CSMD1: variants seen among roughly 807,000 people sequenced by gnomAD.
CSMD1 encodes CUB and Sushi multiple domains 1, also known as CUB and sushi domain-containing protein 1.
CSMD1 carries 213 observed loss-of-function variants against 417.5 expected under a neutral mutation model. The ratio of observed to expected loss-of-function variants is 0.51; its 90% CI spans 0.46 to 0.57. The LOEUF (loss-of-function observed/expected upper bound fraction) is 0.57. CSMD1 is among the 20% of genes least tolerant of loss of function. The probability of loss-of-function intolerance (pLI) is 0.00; values close to 1 mark genes in which losing one functional copy is unlikely to be tolerated. For missense variants in CSMD1, 6,923 were observed against 4,529.7 expected, an observed-to-expected ratio of 1.53 and a Z score of -15.17; for synonymous variants, 2,862 against 1,736.8, an observed-to-expected ratio of 1.65 and a Z score of -16.11.
intron 5 of CSMD1, among the ~76,000 whole-genome samples, chr8:3,994,235 G>C (rs982075929): frequency 6.8e-6 from 1 of 146,238 alleles, no homozygotes; most frequent in African/African-American, 2.4e-5. Context: ...GAAGGGTATG[G>C]AAGCCTGTTT....
intron 3 of CSMD1, among the ~76,000 whole-genome samples, chr8:4,129,752 C>G (rs190874084): frequency 1.1e-4 from 16 of 152,144 alleles, no homozygotes; most frequent in African/African-American, 3.6e-4. Context: ...CTGGAAATAA[C>G]CATCCTGGAA....
chr8:3,115,305 G>C (rs993053443), intron 42 of CSMD1, among the ~76,000 whole-genome samples: 1 of 148,110 alleles, frequency 6.8e-6, no homozygotes, highest in Non-Finnish European at 1.5e-5. Context: ...GCGTTCAAGT[G>C]ATTCTCCTGC....
intron 5 of CSMD1, among the ~76,000 whole-genome samples, chr8:3,763,632 C>T (rs1208077743): frequency 1.3e-5 from 2 of 152,052 alleles, no homozygotes; most frequent in African/African-American, 2.4e-5. Flanking sequence ...AATAAATTAC[C>T]CAGTCTCAAG....
chr8:3,110,763 AAG>A (rs1363633899), intron 42 of CSMD1, among the ~76,000 whole-genome samples: 5 of 152,108 alleles, frequency 3.3e-5, no homozygotes, highest in East Asian at 1.9e-4. Context: ...AGTGTCATCT[AAG>A]TCTACTTGCC....
At chr8:3,143,357 C>A (rs997268188) in intron 40 of CSMD1, among the ~76,000 whole-genome samples, 1 of 152,168 alleles carries the variant, frequency 6.6e-6, no homozygotes, top group South Asian at 2.1e-4. Context: ...ATCTAATCAA[C>A]CGCACCATAA....
chr8:3,438,012 A>C (rs1442173681), intron 12 of CSMD1, among the ~76,000 whole-genome samples: 1 of 152,156 alleles, frequency 6.6e-6, no homozygotes, highest in African/African-American at 2.4e-5. Flanking sequence ...AAGTACTGAT[A>C]CCTATTTCTA....
chr8:4,452,421 G>A (rs772890394), intron 2 of CSMD1, among the ~76,000 whole-genome samples: 3 of 152,126 alleles, frequency 2.0e-5, no homozygotes, highest in Non-Finnish European at 4.4e-5. Flanking sequence ...GTTCTTACAC[G>A]GTGATTCTTG....
At chr8:4,497,903 G>T (rs1392545495) in intron 2 of CSMD1, among the ~76,000 whole-genome samples, 1 of 152,106 alleles carries the variant, frequency 6.6e-6, no homozygotes, top group Non-Finnish European at 1.5e-5. Flanking sequence ...TTGAATGCAT[G>T]GTGCCTTCAA....
At chr8:4,286,409 G>A (rs989302997) in intron 3 of CSMD1, among the ~76,000 whole-genome samples, 13 of 152,110 alleles carry the variant, frequency 8.5e-5, no homozygotes, top group Admixed American at 2.6e-4. Context: ...CAGTTAACAT[G>A]AGACAGAGAA....
At chr8:4,411,606 A>G (rs544050101) in intron 3 of CSMD1, among the ~76,000 whole-genome samples, 1 of 152,188 alleles carries the variant, frequency 6.6e-6, no homozygotes, top group East Asian at 1.9e-4. Context: ...ACGGAGAAAA[A>G]TACAGCAATC....
In CSMD1 at chr8:3,245,890, A is replaced by T. The variant is rs145668265; in HGVS notation, c.4154-15659T>A. Reference sequence around the variant, plus strand: ...AGATTTCTTTGCAATTTCTTAGCAGATTGCCAGTGACATGAATCGCATTCT... The same window carrying T: ...AGATTTCTTTGCAATTTCTTAGCAGTTTGCCAGTGACATGAATCGCATTCT... On this transcript the variant is annotated intron_variant, in intron 26 of 69. Coordinates refer to ENST00000635120, the MANE Select transcript of CSMD1 (RefSeq NM_033225.6). Among the ~76,000 whole-genome samples, 55 of 152,338 alleles carry T rather than the reference A, an allele frequency of 3.6e-4. 1 individual carries two copies. The East Asian group carries it at 0.01, about 28-fold the overall frequency.
intron 5 of CSMD1, among the ~76,000 whole-genome samples, chr8:3,958,378 C>A (rs1223648379): frequency 1.4e-5 from 2 of 147,910 alleles, no homozygotes; most frequent in Non-Finnish European, 3.0e-5. Context: ...CTGTTTCACT[C>A]TCTAGGAAAC....
intron 1 of CSMD1, among the ~76,000 whole-genome samples, chr8:4,916,679 C>A (rs900656729): frequency 6.6e-6 from 1 of 152,132 alleles, no homozygotes; most frequent in Non-Finnish European, 1.5e-5. Flanking sequence ...CATTTTTTTA[C>A]AGCTGATTTT....
chr8:4,032,650 A>C (rs1466720933), intron 3 of CSMD1, among the ~76,000 whole-genome samples: 1 of 152,244 alleles, frequency 6.6e-6, no homozygotes, highest in African/African-American at 2.4e-5. Flanking sequence ...TTGATCCATC[A>C]ATGTATAAAA....
chr8:3,401,297 C>G (rs1380745426), intron 15 of CSMD1, among the ~76,000 whole-genome samples: 2 of 151,974 alleles, frequency 1.3e-5, no homozygotes, highest in Admixed American at 6.6e-5. Flanking sequence ...ACATAACCAA[C>G]CAAAAGTTTC....
intron 2 of CSMD1, among the ~76,000 whole-genome samples, chr8:4,557,313 G>C (rs372725999): frequency 6.6e-6 from 1 of 152,054 alleles, no homozygotes; most frequent in African/African-American, 2.4e-5. Flanking sequence ...AAATCACTAG[G>C]TTCTAACTGA....
At chr8:4,452,652 C>CATATT (rs143222647) in intron 2 of CSMD1, among the ~76,000 whole-genome samples, 17,462 of 152,006 alleles carry the variant, frequency 0.11, 1,171 homozygotes, top group South Asian at 0.22. Context: ...TTGAGTGAAA[C>CATATT]GTAACATTGC....
At chr8:3,476,399 T>C (rs532847769) in intron 11 of CSMD1, among the ~76,000 whole-genome samples, 1 of 152,290 alleles carries the variant, frequency 6.6e-6, no homozygotes, top group Non-Finnish European at 1.5e-5. Flanking sequence ...CAATTATGAA[T>C]AGAGTTACTA....
At chr8:3,734,253 A>G (rs1349103579) in intron 6 of CSMD1, among the ~76,000 whole-genome samples, 1 of 152,220 alleles carries the variant, frequency 6.6e-6, no homozygotes, top group Non-Finnish European at 1.5e-5. Context: ...ACTCAGCACC[A>G]TTCCATGTTT....
Sources: allele counts gnomAD v4.1 joint callset (sites outside exome capture counted in the v4.1 genomes callset), GRCh38; gene constraint gnomAD v4.1.1; transcripts MANE v1.5; gene names NCBI Gene and HGNC (gene_info 2026-07-23, HGNC 2026-07-21).